ALPL: variants seen among roughly 807,000 people sequenced by gnomAD.
ALPL encodes the protein alkaline phosphatase, biomineralization associated.
In ALPL, 42 loss-of-function variants were observed where a neutral mutation model predicts 51.3. The ratio of observed to expected loss-of-function variants is 0.82; its 90% confidence interval spans 0.64 to 1.06. ALPL has a LOEUF of 1.06. ALPL is among the 50% of genes least tolerant of loss of function. The probability of loss-of-function intolerance (pLI) is 0.00; values close to 1 mark genes in which losing one functional copy is unlikely to be tolerated. For missense variants in ALPL, 589 were observed against 709.4 expected (o/e 0.83, Z 1.93); for synonymous variants, 279 against 296.4 (o/e 0.94, Z 0.60).
At chr1:21,516,085 GC>G (rs1464051501) in intron 1 of ALPL, among the ~76,000 whole-genome samples, 2 of 152,024 alleles carry the variant, frequency 1.3e-5, no homozygotes, top group Admixed American at 1.3e-4. Context: ...TTGCAATGTT[GC>G]CCAGGCTGGT....
chr1:21,549,194 CA>C (rs1190493275), intron 1 of ALPL, among the ~76,000 whole-genome samples: 1 of 151,126 alleles, frequency 6.6e-6, no homozygotes, highest in Non-Finnish European at 1.5e-5. Context: ...GGGCTTCTGT[CA>C]CATCGTTTTC....
chr1:21,575,993 G>T, intron 10 of ALPL, 69 bp downstream of exon 10: 2 of 1,581,660 alleles, frequency 1.3e-6, no homozygotes, highest in Non-Finnish European at 1.7e-6. Flanking sequence ...GCAGGAGTGG[G>T]TGGGAGAGCC....
At chr1:21,511,365 T>C (rs1271590377) in intron 1 of ALPL, among the ~76,000 whole-genome samples, 1 of 152,328 alleles carries the variant, frequency 6.6e-6, no homozygotes, top group East Asian at 1.9e-4. Flanking sequence ...TGCCTCGGCC[T>C]CCTCCCATAA....
At chr1:21,554,712 G>T (rs887202326) in intron 2 of ALPL, among the ~76,000 whole-genome samples, 6 of 150,900 alleles carry the variant, frequency 4.0e-5, no homozygotes, top group Admixed American at 1.3e-4. Flanking sequence ...GGATGGTCTC[G>T]ATCTCCTGAC....
chr1:21,565,491 A>G (rs1285929573), intron 6 of ALPL, among the ~76,000 whole-genome samples: 1 of 152,056 alleles, frequency 6.6e-6, no homozygotes, highest in Non-Finnish European at 1.5e-5. Context: ...GTACAGGCAC[A>G]GGGTATAATT....
intron 1 of ALPL, among the ~76,000 whole-genome samples, chr1:21,514,369 G>A (rs150859988): frequency 1.6e-3 from 243 of 152,226 alleles, no homozygotes; most frequent in African/African-American, 5.6e-3. Flanking sequence ...GCATTGGTGC[G>A]CCACTTCACC....
Position 21,525,503 on chromosome 1 carries a change from C to G in ALPL, c.-105+15986C>G, listed in dbSNP as rs138893339. On this transcript the variant is annotated intron_variant, in intron 1 of 11. Transcript: ENST00000374840. ...TTCCTGATGGAGCGGCCTCTCCTGG[C>G]GTGCTCACCTGGGTGCTGGCGTCTT... Among the ~76,000 whole-genome samples, 1,066 of 152,356 alleles carry G rather than the reference C, an allele frequency of 7.0e-3. 10 individuals carry two copies. Among genetic ancestry groups the G allele is most frequent in the African/African-American group, 0.024 (978 of 41,590 alleles).
chr1:21,553,840 A>G (rs1570251267), intron 1 of ALPL, 138 bp from the exon 2 acceptor site: 5 of 548,412 alleles, frequency 9.1e-6, no homozygotes, highest in South Asian at 2.0e-5. Flanking sequence ...TGGCATCCCA[A>G]TGTTGAGCCC....
chr1:21,560,539 T>C, intron 2 of ALPL, 87 bp from the exon 3 acceptor site: 1 of 1,555,468 alleles, frequency 6.4e-7, no homozygotes, highest in Non-Finnish European at 8.8e-7. Context: ...CATTCCAGCC[T>C]GAGCAATCAG....
intron 5 of ALPL, 76 bp from the exon 6 acceptor site, chr1:21,563,965 G>T (rs549758339): frequency 2.6e-6 from 4 of 1,565,162 alleles, no homozygotes; most frequent in Admixed American, 1.7e-5. Flanking sequence ...TTAGCGGGGA[G>T]GGGGAAGGGA....
intron 1 of ALPL, among the ~76,000 whole-genome samples, chr1:21,542,832 C>CATCCCCCCA (rs1644205912): frequency 6.6e-6 from 1 of 151,730 alleles, no homozygotes; most frequent in South Asian, 2.1e-4. Flanking sequence ...AGCAAGACTC[C>CATCCCCCCA]ATCCCCCCAA....
At chr1:21,523,823 TG>T (rs1643907931) in intron 1 of ALPL, among the ~76,000 whole-genome samples, 1 of 152,096 alleles carries the variant, frequency 6.6e-6, no homozygotes, top group Admixed American at 6.5e-5. Context: ...GTGGTTGAGC[TG>T]GGATTTGGAC....
intron 1 of ALPL, among the ~76,000 whole-genome samples, chr1:21,539,746 C>T (rs546782738): frequency 1.3e-5 from 2 of 152,028 alleles, no homozygotes; most frequent in African/African-American, 4.8e-5. Context: ...GCTCCACCTC[C>T]CGAGTTCACA....
intron 6 of ALPL, among the ~76,000 whole-genome samples, chr1:21,567,731 A>G (rs1644586776): frequency 6.6e-6 from 1 of 152,230 alleles, no homozygotes; most frequent in Non-Finnish European, 1.5e-5. Flanking sequence ...GCCAGGGTTT[A>G]TTGCAGCCTT....
chr1:21,546,242 C>A (rs145503123), intron 1 of ALPL, among the ~76,000 whole-genome samples: 4 of 152,076 alleles, frequency 2.6e-5, no homozygotes, highest in African/African-American at 4.8e-5. Context: ...AATGGAGTAA[C>A]GAGATTAGTT....
intron 1 of ALPL, among the ~76,000 whole-genome samples, chr1:21,546,328 G>T (rs1001555574): frequency 2.0e-5 from 3 of 152,190 alleles, no homozygotes; most frequent in Non-Finnish European, 4.4e-5. Context: ...GAGGGTAAAA[G>T]TGTCTCCTCC....
intron 1 of ALPL, among the ~76,000 whole-genome samples, chr1:21,511,383 A>C (rs1217031782): frequency 6.6e-6 from 1 of 152,220 alleles, no homozygotes; most frequent in Non-Finnish European, 1.5e-5. Flanking sequence ...TAAGCTGTGG[A>C]GATCAATAGT....
chr1:21,530,600 C>T (rs1228448730), intron 1 of ALPL, among the ~76,000 whole-genome samples: 1 of 152,072 alleles, frequency 6.6e-6, no homozygotes, highest in South Asian at 2.1e-4. Flanking sequence ...GATTGGGCCT[C>T]TCTTTCAGAC....
chr1:21,539,923 TG>T (rs1468572207), intron 1 of ALPL, among the ~76,000 whole-genome samples: 1 of 152,282 alleles, frequency 6.6e-6, no homozygotes, highest in Admixed American at 6.5e-5. Flanking sequence ...CCCAAAGTGC[TG>T]GGATTACAGG....
Sources: allele counts gnomAD v4.1 joint callset (sites outside exome capture counted in the v4.1 genomes callset), GRCh38; gene constraint gnomAD v4.1.1; transcripts MANE v1.5; gene names NCBI Gene and HGNC (gene_info 2026-07-23, HGNC 2026-07-21).